SNTG1: variants seen among roughly 807,000 people sequenced by gnomAD.
SNTG1 encodes syntrophin gamma 1.
SNTG1 carries 39 observed loss-of-function variants against 74.7 expected under a neutral mutation model. The observed-to-expected ratio is 0.52, with a 90% CI of 0.40 to 0.68. SNTG1 has a LOEUF of 0.68. Among genes scored for constraint, SNTG1 ranks in the 30% least tolerant of loss-of-function variants. The pLI, the probability that SNTG1 is intolerant of heterozygous loss-of-function variation, is 0.00. For missense variants in SNTG1, 685 were observed against 609.5 expected (o/e 1.12, Z -1.30); for synonymous variants, 254 against 217.1 (o/e 1.17, Z -1.49).
At chr8:50,457,426 T>A (rs1037827530) in intron 8 of SNTG1, among the ~76,000 whole-genome samples, 3 of 152,210 alleles carry the variant, frequency 2.0e-5, no homozygotes, top group African/African-American at 7.2e-5. Context: ...GAATTCTCTA[T>A]CAAAAGACAA....
chr8:50,214,442 A>G (rs1021473821), intron 2 of SNTG1, among the ~76,000 whole-genome samples: 4 of 152,078 alleles, frequency 2.6e-5, no homozygotes, highest in African/African-American at 4.8e-5. Flanking sequence ...AAAAAATGAA[A>G]AAAATCAAAA....
At chr8:50,463,420 A>G (rs538350521) in intron 8 of SNTG1, among the ~76,000 whole-genome samples, 5 of 152,308 alleles carry the variant, frequency 3.3e-5, no homozygotes, top group South Asian at 4.1e-4. Context: ...GAAAGTTGAA[A>G]TTACTCCTTG....
intron 15 of SNTG1, among the ~76,000 whole-genome samples, chr8:50,683,797 C>T (rs555686524): frequency 4.6e-5 from 7 of 152,206 alleles, no homozygotes; most frequent in Admixed American, 3.3e-4. Context: ...AAACGTAGCA[C>T]CTGTGAGGAA....
intron 1 of SNTG1, among the ~76,000 whole-genome samples, chr8:49,949,064 C>A (rs1177769397): frequency 6.6e-6 from 1 of 152,162 alleles, no homozygotes; most frequent in Non-Finnish European, 1.5e-5. Context: ...TAGGAAAGTT[C>A]TTTCCTTGTT....
At chr8:50,769,749 C>T (rs1006885627) in intron 18 of SNTG1, among the ~76,000 whole-genome samples, 7 of 151,810 alleles carry the variant, frequency 4.6e-5, no homozygotes, top group African/African-American at 1.7e-4. Context: ...TAATATTCAC[C>T]AAATAATTTA....
At chr8:50,397,501 T>G (rs1012000141) in intron 3 of SNTG1, among the ~76,000 whole-genome samples, 11 of 152,182 alleles carry the variant, frequency 7.2e-5, no homozygotes, top group African/African-American at 2.7e-4. Context: ...GAGATCAAAC[T>G]TCTTCCTCTA....
intron 15 of SNTG1, among the ~76,000 whole-genome samples, chr8:50,688,854 G>T (rs112054592): frequency 6.6e-6 from 1 of 151,736 alleles, no homozygotes; most frequent in Non-Finnish European, 1.5e-5. Context: ...GGACAGTATG[G>T]CCATTTTCAC....
At chr8:50,169,290 A>G (rs897380179) in intron 1 of SNTG1, among the ~76,000 whole-genome samples, 1 of 152,236 alleles carries the variant, frequency 6.6e-6, no homozygotes, top group African/African-American at 2.4e-5. Context: ...AATAACTGAC[A>G]TCAATAGTGT....
chr8:50,044,355 A>G (rs1270226453), intron 1 of SNTG1, among the ~76,000 whole-genome samples: 1 of 152,158 alleles, frequency 6.6e-6, no homozygotes, highest in Non-Finnish European at 1.5e-5. Context: ...GAATCACAAG[A>G]CCTGCTTGTA....
intron 9 of SNTG1, among the ~76,000 whole-genome samples, chr8:50,514,578 G>T (rs1198934627): frequency 6.6e-6 from 1 of 151,876 alleles, no homozygotes; most frequent in African/African-American, 2.4e-5. Context: ...TAATTCCATT[G>T]TATCAGAAAA....
At chr8:50,497,812 G>A (rs77449324) in intron 8 of SNTG1, among the ~76,000 whole-genome samples, 7,688 of 151,924 alleles carry the variant, frequency 0.051, 260 homozygotes, top group Middle Eastern at 0.095. Flanking sequence ...GCTTTGTGGC[G>A]CTATACATTT....
intron 16 of SNTG1, among the ~76,000 whole-genome samples, chr8:50,707,045 C>G (rs544268833): frequency 6.6e-6 from 1 of 151,784 alleles, no homozygotes; most frequent in South Asian, 2.1e-4. Context: ...AACATATTAA[C>G]TATACGCATG....
chr8:49,998,791 C>T (rs936886463), intron 1 of SNTG1, among the ~76,000 whole-genome samples: 2 of 151,874 alleles, frequency 1.3e-5, no homozygotes, highest in Non-Finnish European at 2.9e-5. Flanking sequence ...TAACTGGGGC[C>T]ATTTTTTAGT....
chr8:49,986,818 C>T (rs914255747), intron 1 of SNTG1, among the ~76,000 whole-genome samples: 7 of 152,014 alleles, frequency 4.6e-5, no homozygotes, highest in Non-Finnish European at 8.8e-5. Context: ...GAAGTCAAGG[C>T]CATGATCGTG....
At chr8:50,536,858 C>A (rs373404395) in intron 11 of SNTG1, 50 bp downstream of exon 11, 2 of 1,600,478 alleles carry the variant, frequency 1.2e-6, no homozygotes, top group Non-Finnish European at 8.5e-7. Flanking sequence ...AAAAAAGAGA[C>A]CTTTTAGAAA....
intron 2 of SNTG1, among the ~76,000 whole-genome samples, chr8:50,265,554 T>C (rs1156919555): frequency 1.3e-5 from 2 of 152,198 alleles, no homozygotes; most frequent in East Asian, 3.9e-4. Flanking sequence ...TCTTGGTAAG[T>C]TCTGGAGCAA....
chr8:50,515,534 G>A (rs2094125748), intron 9 of SNTG1, among the ~76,000 whole-genome samples: 1 of 151,774 alleles, frequency 6.6e-6, no homozygotes, highest in African/African-American at 2.4e-5. Flanking sequence ...ACGGACCCTA[G>A]CAAGCTAAGA....
chr8:50,768,674 C>T (rs1180441516), intron 18 of SNTG1, among the ~76,000 whole-genome samples: 1 of 152,010 alleles, frequency 6.6e-6, no homozygotes, highest in East Asian at 1.9e-4. Flanking sequence ...TCCAAGATCC[C>T]TTTCCCTCTC....
chr8:50,334,631 A>G (rs2091080145), intron 2 of SNTG1, among the ~76,000 whole-genome samples: 1 of 152,184 alleles, frequency 6.6e-6, no homozygotes. Context: ...AAGGTAGGAA[A>G]TAAAAACAGC....
Sources: allele counts gnomAD v4.1 joint callset (sites outside exome capture counted in the v4.1 genomes callset), GRCh38; gene constraint gnomAD v4.1.1; transcripts MANE v1.5; gene names NCBI Gene and HGNC (gene_info 2026-07-23, HGNC 2026-07-21).